The following ALDH3A1 variants were observed in gnomAD, a reference collection of about 807,000 sequenced individuals.
The protein encoded by ALDH3A1 is aldehyde dehydrogenase 3 family member A1.
Under a neutral mutation model 49.9 loss-of-function variants are expected in ALDH3A1, and 46 were observed. The ratio of observed to expected loss-of-function variants is 0.92; its 90% CI spans 0.73 to 1.18. The LOEUF (loss-of-function observed/expected upper bound fraction) is 1.18, where lower values mean the gene tolerates loss of function less well. ALDH3A1 is among the 50% of genes most tolerant of loss of function. ALDH3A1 has a pLI of 0.00. For synonymous variants in ALDH3A1, 269 were observed against 253.3 expected (o/e 1.06, Z -0.59); for missense variants, 592 against 611.8 (o/e 0.97, Z 0.34).
Position 19,739,025 on chromosome 17 carries a change from G to T in ALDH3A1, c.1187C>A (p.Thr396Asn), listed in dbSNP as rs781135696. The T allele has an allele frequency of 9.9e-6, 16 of 1,613,740 alleles. No homozygotes were observed. Among genetic ancestry groups the T allele is most frequent in the African/African-American group, 1.3e-5 (1 of 74,914 alleles). ...VAANDVIVHITLHSLPFGGVG... is the reference protein window; with the variant it reads ...VAANDVIVHINLHSLPFGGVG... ...GCCCCCGAAGGGCAGAGAGTGCAAGGTGATGTGGACGATGACATCGTTGGC... is the reference window on the plus strand; with the variant it reads ...GCCCCCGAAGGGCAGAGAGTGCAAGTTGATGTGGACGATGACATCGTTGGC... The change falls in exon 9 of 11, where the codon ACC (threonine) becomes AAC (asparagine). Residue 396 changes from threonine to asparagine, a missense_variant. Transcript: ENST00000225740.
At chr17:19,740,959 C>A (rs762622274) in intron 6 of ALDH3A1, 134 bp downstream of exon 6, 74 of 692,422 alleles carry the variant, frequency 1.1e-4, no homozygotes, top group Non-Finnish European at 1.7e-4. Context: ...AGCCACCATG[C>A]CTAGCTTGCA....
At chr17:19,739,128 C>G (rs1340364885) in intron 8 of ALDH3A1, 33 bp from the exon 9 acceptor site, 4 of 1,593,948 alleles carry the variant, frequency 2.5e-6, no homozygotes, top group Non-Finnish European at 3.4e-6. Flanking sequence ...GCCTCAGTCT[C>G]CTGCCCACAG....
intron 9 of ALDH3A1, 72 bp from the exon 10 acceptor site, chr17:19,738,525 G>A (rs1567649178): frequency 6.4e-7 from 1 of 1,573,510 alleles, no homozygotes; most frequent in Non-Finnish European, 8.7e-7. Flanking sequence ...TCTCCACCTT[G>A]TTGGGTGTAT....
chr17:19,742,333 CG>C, intron 4 of ALDH3A1, 121 bp from the exon 5 acceptor site: 3 of 1,195,000 alleles, frequency 2.5e-6, no homozygotes, highest in Non-Finnish European at 2.4e-6. Context: ...CCACCTTGGG[CG>C]GGGGGTAGCA....
intron 1 of ALDH3A1, among the ~76,000 whole-genome samples, chr17:19,747,358 C>T (rs1410079497): frequency 6.6e-6 from 1 of 152,164 alleles, no homozygotes; most frequent in Non-Finnish European, 1.5e-5. Context: ...GGGAAAGCCC[C>T]CTCACTGGGA....
chr17:19,738,521 C>A, intron 9 of ALDH3A1, 68 bp from the exon 10 acceptor site: 2 of 1,577,460 alleles, frequency 1.3e-6, no homozygotes, highest in African/African-American at 2.7e-5. Flanking sequence ...TCCCTCTCCA[C>A]CTTGTTGGGT....
chr17:19,744,914 C>CCCCCCCCCCCCCCCGGG, intron 2 of ALDH3A1, 54 bp downstream of exon 2: 1 of 1,196,490 alleles, frequency 8.4e-7, no homozygotes, highest in Non-Finnish European at 1.1e-6. Context: ...CCTCCCCCCA[C>CCCCCCCCCCCCCCCGGG]GCCCCATCGC....
Position 19,742,066 on chromosome 17 carries a change from C to G in ALDH3A1, c.627G>C (p.Leu209=). 3 of 1,614,066 alleles carry G rather than the reference C, an allele frequency of 1.9e-6. No individual in the cohort carries two copies. The highest frequency in any genetic ancestry group is 2.5e-6 in the Non-Finnish European group (3 of 1,180,034). Residue 209 remains leucine (L), a synonymous_variant, in exon 5 of 11, where the codon CTG becomes CTC. Transcript: ENST00000225740. The part of the protein sequence containing the change: ...AAAKHLTPVT[L]ELGGKSPCYV... ...AGCAGGGACTCTTCCCTCCCAGCTCCAGCGTGACAGGGGTCAGGTGCTTGG... is the reference window on the plus strand; with the variant it reads ...AGCAGGGACTCTTCCCTCCCAGCTCGAGCGTGACAGGGGTCAGGTGCTTGG...
Position 19,738,120 on chromosome 17 carries a change from G to A in ALDH3A1, c.*101C>T. The stretch of plus-strand genomic sequence containing the variant: ...GTCAGCAGAGGAGTGGGGCTGGGCT[G>A]GGGCTGCAGGAGCGATTCTCCCAGG... On this transcript the variant is annotated 3_prime_UTR_variant, in exon 11 of 11. Coordinates refer to ENST00000225740, the MANE Select transcript of ALDH3A1 (RefSeq NM_000691.5). 1 of 1,603,590 alleles carries A rather than the reference G, an allele frequency of 6.2e-7. No homozygotes were observed. Among genetic ancestry groups the A allele is most frequent in the Non-Finnish European group, 8.5e-7 (1 of 1,179,188 alleles).
rs61279095 is a variant in ALDH3A1 at position 19,743,368 on chromosome 17, G to A, written c.258C>T (p.Pro86=). 1.7e-3 allele frequency: 2,824 copies of A among 1,614,122 alleles called. 31 individuals are homozygous for A. In the African/African-American group the frequency reaches 0.031, roughly 18 times the overall value. Residue 86 remains proline, a synonymous_variant, in exon 3 of 11, where the codon CCC becomes CCT. Transcript: ENST00000225740. This position sits in a 1 kb window ranked among gnomAD's most constrained non-coding sequence, Gnocchi z 4.4. ...GCTGAGTCTGGGGCGTCTTCTCCAC[G>A]GGCTCATCCGCGGCCCACTCAGGGA... is the stretch of plus-strand genomic sequence containing the variant. ...QKLPEWAADE[P]VEKTPQTQQD...
intron 8 of ALDH3A1, 135 bp downstream of exon 8, chr17:19,739,373 C>T (rs1406279049): frequency 1.6e-5 from 17 of 1,086,620 alleles, no homozygotes; most frequent in Admixed American, 1.2e-4. Context: ...ATCTTACAGA[C>T]GAGGTGAAAG....
Position 19,744,996 on chromosome 17 carries a change from A to ACCAGCT in ALDH3A1, c.128_133dup (p.Glu43_Leu44dup), listed in dbSNP as rs751025286. The ACCAGCT allele has an allele frequency of 1.4e-6, 2 of 1,410,376 alleles. No homozygotes were observed. Among genetic ancestry groups the ACCAGCT allele is most frequent in the Non-Finnish European group, 9.4e-7 (1 of 1,068,212 alleles). 87.4% of individuals were successfully genotyped at this position (1,410,376 alleles called of 1,614,324 possible). Reference sequence around the variant, plus strand: ...GTGCAGGTCTGCGGCCAGCGCGCCCACCAGCTCCTGCTCCTGCTCCTGGAT... The same window carrying ACCAGCT: ...GTGCAGGTCTGCGGCCAGCGCGCCCACCAGCTCCAGCTCCTGCTCCTGCTCCTGGAT... On this transcript the variant is annotated inframe_insertion, in exon 2 of 11. Coordinates refer to ENST00000225740, the MANE Select transcript of ALDH3A1 (RefSeq NM_000691.5).
chr17:19,746,663 GTGTGCGTGTGTGTGCA>G (rs1294937989), intron 1 of ALDH3A1, among the ~76,000 whole-genome samples: 25 of 147,404 alleles, frequency 1.7e-4, no homozygotes, highest in East Asian at 7.9e-4. Flanking sequence ...GCATGTGTGT[GTGTGCGTGTGTGTGCA>G]TGTGCGTGTG....
At chr17:19,744,756 C>T in intron 2 of ALDH3A1, 1 of 1,366,110 alleles carries the variant, frequency 7.3e-7, no homozygotes, top group Non-Finnish European at 9.4e-7. Flanking sequence ...GGAGGCCGGG[C>T]CAGGAGGAAA....
In ALDH3A1 at chr17:19,743,497, C is replaced by A; in HGVS notation, c.163-34G>T. The A allele has an allele frequency of 6.4e-7, 1 of 1,552,472 alleles. No individual in the cohort carries two copies. ...ACAGAGCCGGAGTGAGCTTCCAGGG[C>A]CAGGGCCCGCCTGCAGCTGGGGCGA... On this transcript the variant is annotated intron_variant, in intron 2 of 10. Transcript: ENST00000225740. The surrounding 1 kb of genome is among the most constrained non-coding windows in gnomAD (Gnocchi z 4.4).
rs2152373501 is a variant in ALDH3A1, at chr17:19,739,676, T to C, written c.950-2A>G. On this transcript the variant is annotated splice_acceptor_variant, in intron 7 of 10. Coordinates refer to ENST00000225740, the MANE Select transcript of ALDH3A1 (RefSeq NM_000691.5). LOFTEE classifies it high-confidence loss of function. The stretch of plus-strand genomic sequence containing the variant: ...CCACGTCCGTGAGGATGGTGGGGGC[T>C]GAGGCAGGAAACAAGCCAGAGTTGG... 1.9e-6 allele frequency: 3 copies of C among 1,613,416 alleles called. No homozygotes were observed. Among genetic ancestry groups the C allele is most frequent in the East Asian group, 2.2e-5 (1 of 44,864 alleles).
chr17:19,738,468 T>TA lies in ALDH3A1; in HGVS notation c.1217-16dup. 1 of 1,605,784 alleles carries TA rather than the reference T, an allele frequency of 6.2e-7. No individual in the cohort carries two copies. The highest frequency in any genetic ancestry group is 8.5e-7 in the Non-Finnish European group (1 of 1,173,844). ...GCCGCTGTTCCCTGCGGAGGAGAAGTAAGCACAGGGCTCAGCATCCTGCCC... is the reference window on the plus strand; with the variant it reads ...GCCGCTGTTCCCTGCGGAGGAGAAGTAAAGCACAGGGCTCAGCATCCTGCCC... On this transcript the variant is annotated splice_polypyrimidine_tract_variant and intron_variant, in intron 9 of 10. Coordinates refer to ENST00000225740, the MANE Select transcript of ALDH3A1 (RefSeq NM_000691.5).
chr17:19,744,919 C>CCCCCCCACCA, intron 2 of ALDH3A1, 49 bp downstream of exon 2: 2 of 1,385,398 alleles, frequency 1.4e-6, no homozygotes, highest in Non-Finnish European at 1.9e-6. Context: ...CCCCACGCCC[C>CCCCCCCACCA]ATCGCATGGC....
rs140881083 is a variant in ALDH3A1, at chr17:19,740,345, G to T, written c.940C>A (p.Arg314Ser). The T allele has an allele frequency of 5.6e-6, 9 of 1,613,816 alleles. No individual in the cohort carries two copies. The highest frequency in any genetic ancestry group is 5.9e-6 in the Non-Finnish European group (7 of 1,179,988). ...AYGGTGDAATRYIAPTILTDV... is the reference protein window; with the variant it reads ...AYGGTGDAATSYIAPTILTDV... Reference sequence around the variant, plus strand: ...TTCAGGGGTCACGCACCTATGTAGCGAGTGGCGGCATCCCCGGTGCCCCCA... The same window carrying T: ...TTCAGGGGTCACGCACCTATGTAGCTAGTGGCGGCATCCCCGGTGCCCCCA... Residue 314 changes from arginine (R) to serine (S), a missense_variant, in exon 7 of 11, where the codon CGC (arginine) becomes AGC (serine). Physicochemically the swap from Arg to Ser is moderately radical, Grantham distance 110 (BLOSUM62 -1). Coordinates refer to ENST00000225740, the MANE Select transcript of ALDH3A1 (RefSeq NM_000691.5).
Sources: gnomAD v4.1 joint callset for allele counts (sites outside exome capture counted in the v4.1 genomes callset) on GRCh38, gnomAD v4.1.1 for gene constraint, Gnocchi (gnomAD v3.1) non-coding constraint, MANE v1.5 for transcripts, NCBI Gene and HGNC (gene_info 2026-07-23, HGNC 2026-07-21) for gene names.